TDRD12: variants seen among roughly 807,000 people sequenced by gnomAD.
TDRD12 encodes the protein putative ATP-dependent RNA helicase TDRD12.
Under a neutral mutation model 133.5 loss-of-function variants are expected in TDRD12, and 158 were observed. That is an observed-to-expected ratio of 1.18 (90% confidence interval 1.04 to 1.35). The LOEUF (loss-of-function observed/expected upper bound fraction) is 1.35, where lower values mean the gene tolerates loss of function less well. Ranked by LOEUF, TDRD12 falls within the 40% of genes most tolerant of loss-of-function variation. The pLI, the probability that TDRD12 is intolerant of heterozygous loss-of-function variation, is 0.00. For missense variants in TDRD12, 1,443 were observed against 1,321.3 expected (o/e 1.09, Z -1.43); for synonymous variants, 460 against 477.9 (o/e 0.96, Z 0.49).
chr19:32,722,983 C>A (rs548409187), intron 1 of TDRD12, among the ~76,000 whole-genome samples: 15 of 151,946 alleles, frequency 9.9e-5, no homozygotes, highest in Admixed American at 9.8e-4. Context: ...CCTGGCCCCC[C>A]CATGTAACCT....
At position 32,777,304 on chromosome 19, in the gene TDRD12, C is replaced by T. The variant is rs116796452; in HGVS notation, c.1121+75C>T. On this transcript the variant is annotated intron_variant, in intron 11 of 27. Transcript: ENST00000444215. ...AAATTATAAACAAGAGAAATCTACACATTTTATTATTAATTTCAAACCTGC... is the reference window on the plus strand; with the variant it reads ...AAATTATAAACAAGAGAAATCTACATATTTTATTATTAATTTCAAACCTGC... 356 of 950,572 alleles carry T rather than the reference C, an allele frequency of 3.7e-4. No individual in the cohort carries two copies. In the African/African-American group the frequency reaches 5.6e-3, roughly 15 times the overall value. The allele number at this position is 950,572 out of a possible 1,614,324, so 58.9% of individuals were successfully genotyped here.
chr19:32,745,609 T>G (rs1194181862), intron 4 of TDRD12, among the ~76,000 whole-genome samples: 2 of 152,180 alleles, frequency 1.3e-5, no homozygotes, highest in African/African-American at 4.8e-5. Flanking sequence ...TTCATGTGAT[T>G]ATTGTGTATG....
intron 23 of TDRD12, 23 bp downstream of exon 23, chr19:32,810,300 C>CT (rs1454130183): frequency 3.4e-6 from 5 of 1,473,160 alleles, no homozygotes; most frequent in Non-Finnish European, 4.5e-6. Flanking sequence ...TTTACTTCAT[C>CT]TGTAAAGTTT....
At chr19:32,739,791 T>A (rs1969350527) in intron 3 of TDRD12, among the ~76,000 whole-genome samples, 1 of 136,320 alleles carries the variant, frequency 7.3e-6, no homozygotes. Flanking sequence ...CTGCATCTCC[T>A]GGGTGCTCTC....
At chr19:32,805,729 C>CTTTTTTTTTTT (rs397860060) in intron 21 of TDRD12, among the ~76,000 whole-genome samples, 1 of 118,900 alleles carries the variant, frequency 8.4e-6, no homozygotes. Flanking sequence ...TTTTTTTTAT[C>CTTTTTTTTTTT]TTTTTTTTTT....
At chr19:32,791,580 T>A (rs73033772) in intron 13 of TDRD12, among the ~76,000 whole-genome samples, 4,394 of 152,158 alleles carry the variant, frequency 0.029, 92 homozygotes, top group Non-Finnish European at 0.043. Flanking sequence ...TTCCACAGTC[T>A]TAGAAGATGA....
chr19:32,767,606 C>A (rs1342628211), intron 8 of TDRD12, among the ~76,000 whole-genome samples: 2 of 152,122 alleles, frequency 1.3e-5, no homozygotes, highest in Non-Finnish European at 2.9e-5. Context: ...TTGGCCTTGC[C>A]ATCCTGAAGG....
chr19:32,758,019 G>A (rs1041417221), intron 8 of TDRD12, among the ~76,000 whole-genome samples: 2 of 152,076 alleles, frequency 1.3e-5, no homozygotes, highest in African/African-American at 2.4e-5. Context: ...TGCCCACCCC[G>A]TCCCCGACCT....
intron 11 of TDRD12, among the ~76,000 whole-genome samples, chr19:32,783,003 A>G (rs1970812230): frequency 1.3e-5 from 2 of 152,118 alleles, no homozygotes; most frequent in South Asian, 4.1e-4. Context: ...TTTTGTTGCC[A>G]TTGCTTTTGG....
chr19:32,780,694 T>C (rs1250565884), intron 11 of TDRD12, among the ~76,000 whole-genome samples: 1 of 152,188 alleles, frequency 6.6e-6, no homozygotes, highest in Non-Finnish European at 1.5e-5. Context: ...AGGTGAGTGC[T>C]GCGGAGCTCT....
exon 11 of TDRD12, chr19:32,777,212 G>A: frequency 6.5e-7 from 1 of 1,540,992 alleles, no homozygotes; most frequent in Non-Finnish European, 8.7e-7. Flanking sequence ...AATATGATGA[G>A]AAGAATAGCT....
chr19:32,815,438 T>C lies in TDRD12; in HGVS notation c.3142-10T>C. The C allele has an allele frequency of 6.5e-7, 1 of 1,527,692 alleles. No individual in the cohort carries two copies. Among genetic ancestry groups the C allele is most frequent in the Non-Finnish European group, 8.8e-7 (1 of 1,142,472 alleles). 94.6% of individuals were successfully genotyped at this position (1,527,692 alleles called of 1,614,324 possible). Reference sequence around the variant, plus strand: ...TTACTGCTAATGTTCAATTTTTTCATTGATTCAAGGTGCACATTACAAACC... The same window carrying C: ...TTACTGCTAATGTTCAATTTTTTCACTGATTCAAGGTGCACATTACAAACC... On this transcript the variant is annotated splice_polypyrimidine_tract_variant and intron_variant, in intron 25 of 27. Transcript: ENST00000444215.
chr19:32,729,468 C>T (rs1568444895), intron 1 of TDRD12, among the ~76,000 whole-genome samples: 2 of 151,712 alleles, frequency 1.3e-5, no homozygotes, highest in South Asian at 2.1e-4. Context: ...CCGCCCGTCT[C>T]GGCCTCCCAA....
intron 1 of TDRD12, among the ~76,000 whole-genome samples, chr19:32,724,084 C>T (rs1266432898): frequency 2.6e-5 from 4 of 152,130 alleles, no homozygotes; most frequent in Non-Finnish European, 4.4e-5. Context: ...GTTTCTCAAA[C>T]TCCTGGGCTC....
intron 6 of TDRD12, 119 bp downstream of exon 6, chr19:32,749,988 C>T: frequency 2.7e-6 from 2 of 727,452 alleles, no homozygotes; most frequent in Non-Finnish European, 4.3e-6. Flanking sequence ...GTCTTAATCT[C>T]TTAAGGTCTA....
At chr19:32,771,038 A>G (rs1377095784) in intron 8 of TDRD12, among the ~76,000 whole-genome samples, 2 of 152,214 alleles carry the variant, frequency 1.3e-5, no homozygotes, top group East Asian at 1.9e-4. Flanking sequence ...TGCAAGCTGT[A>G]TAAGAAGCAT....
exon 19 of TDRD12, chr19:32,801,837 A>G: frequency 6.9e-7 from 1 of 1,455,866 alleles, no homozygotes; most frequent in Non-Finnish European, 9.2e-7. Flanking sequence ...AGAACAGTGG[A>G]AGAAGAAGTT....
intron 23 of TDRD12, 63 bp downstream of exon 23, chr19:32,810,340 G>A: frequency 7.4e-7 from 1 of 1,357,950 alleles, no homozygotes; most frequent in Non-Finnish European, 9.7e-7. Flanking sequence ...GTGGTGTTGA[G>A]TTCCGATTTT....
At chr19:32,801,793 A>T in exon 19 of TDRD12, 1 of 1,472,482 alleles carries the variant, frequency 6.8e-7, no homozygotes, top group Non-Finnish European at 9.1e-7. Context: ...TTGAAGATGC[A>T]TAAAGAAATG....
Sources: allele counts gnomAD v4.1 joint callset (sites outside exome capture counted in the v4.1 genomes callset), GRCh38; gene constraint gnomAD v4.1.1; transcripts MANE v1.5; gene names NCBI Gene and HGNC (gene_info 2026-07-23, HGNC 2026-07-21).